The following SOCS7 variants were observed in gnomAD, a reference collection of about 807,000 sequenced individuals.
The protein encoded by SOCS7 is NAP-4.
SOCS7 carries 18 observed loss-of-function variants against 58.9 expected under a neutral mutation model. That is an observed-to-expected ratio of 0.31 (90% CI 0.21 to 0.45). The LOEUF (loss-of-function observed/expected upper bound fraction) is 0.45, where lower values mean the gene tolerates loss of function less well. Among genes scored for constraint, SOCS7 ranks in the 20% least tolerant of loss-of-function variants. The pLI is 1.00. For synonymous variants in SOCS7, 388 were observed against 364.3 expected (o/e 1.06, Z -0.74); for missense variants, 667 against 837.3 (o/e 0.80, Z 2.51).
rs551356126 is a variant in SOCS7 at position 38,381,160 on chromosome 17, G to A, written c.1681+3318G>A. 1.8e-4 allele frequency among the ~76,000 whole-genome samples: 27 copies of A among 152,302 alleles called. 1 individual carries two copies. In the South Asian group the frequency reaches 5.6e-3, roughly 32 times the overall value. On this transcript the variant is annotated intron_variant, in intron 7 of 9. Coordinates refer to ENST00000612932, the MANE Select transcript of SOCS7 (RefSeq NM_014598.4). ...GGGGCAGGAGGGTGCACATGCTCCA[G>A]TTGAATATCTGTGTATACTTAAAAT...
chr17:38,357,110 C>G (rs961650942), intron 1 of SOCS7, among the ~76,000 whole-genome samples: 1 of 152,074 alleles, frequency 6.6e-6, no homozygotes, highest in Non-Finnish European at 1.5e-5. Flanking sequence ...GGGAAAAAAA[C>G]AAAATATAGA....
At chr17:38,367,716 A>T (rs41487146) in intron 5 of SOCS7, among the ~76,000 whole-genome samples, 166 bp from the exon 6 acceptor site, 146 of 152,340 alleles carry the variant, frequency 9.6e-4, no homozygotes, top group Non-Finnish European at 1.5e-3. Context: ...AAGTATAGTG[A>T]GCCTGATGTT....
At chr17:38,369,364 G>A (rs1421813623) in intron 6 of SOCS7, among the ~76,000 whole-genome samples, 1 of 152,146 alleles carries the variant, frequency 6.6e-6, no homozygotes, top group African/African-American at 2.4e-5. Context: ...CTTTGTCCAT[G>A]GTTTCCTCTG....
chr17:38,393,678 A>C (rs2038206985), intron 7 of SOCS7, among the ~76,000 whole-genome samples: 3 of 151,258 alleles, frequency 2.0e-5, no homozygotes, highest in African/African-American at 7.3e-5. Context: ...AGGTGGGCGG[A>C]TCACAAGGTC....
At chr17:38,377,418 T>C (rs530237714) in intron 6 of SOCS7, among the ~76,000 whole-genome samples, 4 of 152,286 alleles carry the variant, frequency 2.6e-5, no homozygotes, top group Non-Finnish European at 4.4e-5. Flanking sequence ...TCCAAAAATA[T>C]GAAAAAATCC....
intron 6 of SOCS7, among the ~76,000 whole-genome samples, chr17:38,370,711 G>A (rs1339890866): frequency 1.3e-5 from 2 of 150,172 alleles, no homozygotes; most frequent in Non-Finnish European, 3.0e-5. Flanking sequence ...GTGCAATGGC[G>A]CGATCTCAGC....
intron 8 of SOCS7, 46 bp from the exon 9 acceptor site, chr17:38,395,802 T>G (rs1333622824): frequency 8.8e-6 from 14 of 1,587,200 alleles, no homozygotes; most frequent in Admixed American, 1.8e-5. Flanking sequence ...TCTTTTATAT[T>G]TTGTATAAAA....
At chr17:38,362,138 T>C (rs1555567685) in intron 2 of SOCS7, among the ~76,000 whole-genome samples, 1 of 152,220 alleles carries the variant, frequency 6.6e-6, no homozygotes, top group East Asian at 1.9e-4. Flanking sequence ...CTGTCTCTGC[T>C]TCCAAGGGAG....
chr17:38,381,443 CTG>C (rs1567746392), intron 7 of SOCS7, among the ~76,000 whole-genome samples: 1 of 152,164 alleles, frequency 6.6e-6, no homozygotes, highest in Non-Finnish European at 1.5e-5. Context: ...AGAAAGGAGG[CTG>C]TGTGTTCAGA....
At chr17:38,390,536 A>G (rs948976064) in intron 7 of SOCS7, among the ~76,000 whole-genome samples, 1 of 152,158 alleles carries the variant, frequency 6.6e-6, no homozygotes, top group Non-Finnish European at 1.5e-5. Flanking sequence ...TGGCATGTCA[A>G]CAATATTATG....
rs1367205222 is a variant in SOCS7, at chr17:38,400,129, G to A, written c.*647G>A. The A allele has an allele frequency of 6.6e-6, 1 of 152,218 alleles. No homozygotes were observed. The highest frequency in any genetic ancestry group is 2.1e-4 in the South Asian group (1 of 4,830). The allele number at this position is 152,218 out of a possible 1,614,324, so 9.4% of individuals were successfully genotyped here. A position where few individuals can be genotyped will look rare whatever the true frequency, so the allele number is the denominator to read the frequency against. ...CAATTGGCCTTAGCTGGGAGAAGTA[G>A]TGACTCCTGCATCCTTTTTTAAGGT... On this transcript the variant is annotated 3_prime_UTR_variant, in exon 10 of 10. Transcript: ENST00000612932.
Position 38,365,381 on chromosome 17 carries a change from A to G in SOCS7, c.1224A>G (p.Leu408=), listed in dbSNP as rs757432053. 2.8e-4 allele frequency: 444 copies of G among 1,611,174 alleles called. No homozygotes were observed. The highest frequency in any genetic ancestry group is 3.6e-4 in the Non-Finnish European group (429 of 1,178,760). The change falls in exon 4 of 10, where the codon CTA becomes CTG. Residue 408 remains leucine, a synonymous_variant. Coordinates refer to ENST00000612932, the MANE Select transcript of SOCS7 (RefSeq NM_014598.4). ...PMGSSLQSFP[L]PPPPPPHAPD... Reference sequence around the variant, plus strand: ...GGTCTTCCTTGCAGTCTTTCCCCCTACCTCCGCCTCCTCCACCCCATGCCC... The same window carrying G: ...GGTCTTCCTTGCAGTCTTTCCCCCTGCCTCCGCCTCCTCCACCCCATGCCC...
At position 38,402,789 on chromosome 17, in the gene SOCS7, A is replaced by T. The variant is rs1364241624; in HGVS notation, c.*3307A>T. ...TCAAGTCACAAATTGGAAAAGGCTT[A>T]CATCTAGGGACCCACTGTTGATTCC... On this transcript the variant is annotated 3_prime_UTR_variant, in exon 10 of 10. Transcript: ENST00000612932. The T allele has an allele frequency of 6.6e-6, 1 of 152,194 alleles. No individual in the cohort carries two copies. Among genetic ancestry groups the T allele is most frequent in the African/African-American group, 2.4e-5 (1 of 41,458 alleles). The allele number at this position is 152,194 out of a possible 1,614,324, so 9.4% of individuals were successfully genotyped here. A position where few individuals can be genotyped will look rare whatever the true frequency, so the allele number is the denominator to read the frequency against.
At position 38,387,135 on chromosome 17, in the gene SOCS7, A is replaced by ATATATATATATATGTGTG. The variant is rs2038085186; in HGVS notation, c.1682-8161_1682-8160insGTGTGTATATATATATAT. ...TATATATATATATATATATGTATGTATATATATATATATATATGATTAATT... is the reference window on the plus strand; with the variant it reads ...TATATATATATATATATATGTATGTATATATATATATATGTGTGTATATATATATATATATGATTAATT... On this transcript the variant is annotated intron_variant, in intron 7 of 9. Coordinates refer to ENST00000612932, the MANE Select transcript of SOCS7 (RefSeq NM_014598.4). Among the ~76,000 whole-genome samples the ATATATATATATATGTGTG allele has an allele frequency of 4.2e-4, 40 of 94,248 alleles. 2 individuals carry two copies. Among genetic ancestry groups the ATATATATATATATGTGTG allele is most frequent in the African/African-American group, 2.5e-3 (39 of 15,348 alleles). 61.8% of individuals were successfully genotyped at this position (94,248 alleles called of 152,430 possible). A position where few individuals can be genotyped will look rare whatever the true frequency, so the allele number is the denominator to read the frequency against.
chr17:38,382,785 C>T (rs554971555), intron 7 of SOCS7, among the ~76,000 whole-genome samples: 5 of 152,166 alleles, frequency 3.3e-5, no homozygotes, highest in Admixed American at 1.3e-4. Context: ...CCACGCTTGG[C>T]GGAATTGGAC....
intron 6 of SOCS7, among the ~76,000 whole-genome samples, chr17:38,370,867 T>C (rs2037854140): frequency 6.6e-6 from 1 of 151,912 alleles, no homozygotes; most frequent in Non-Finnish European, 1.5e-5. Context: ...GCCAAGCTTG[T>C]CTCGAACTCC....
At chr17:38,357,061 G>A (rs1385278880) in intron 1 of SOCS7, among the ~76,000 whole-genome samples, 27 of 152,214 alleles carry the variant, frequency 1.8e-4, no homozygotes, top group Admixed American at 1.7e-3. Flanking sequence ...GAGAAATGGA[G>A]GACGGTTCTG....
intron 7 of SOCS7, among the ~76,000 whole-genome samples, chr17:38,380,799 C>T (rs1246890276): frequency 6.6e-6 from 1 of 151,988 alleles, no homozygotes; most frequent in African/African-American, 2.4e-5. Context: ...GTGGAGGTTG[C>T]AGTCAGCCAA....
chr17:38,360,200 C>CT lies in SOCS7; in HGVS notation c.981-1498dup, dbSNP rs758707127. On this transcript the variant is annotated intron_variant, in intron 1 of 9. Transcript: ENST00000612932. ...ATCAGCATGTAACATATTTCTTTTT[C>CT]TTTTTTTTTTTTTGGGGATGGAGTC... 6.4e-3 allele frequency among the ~76,000 whole-genome samples: 895 copies of CT among 140,120 alleles called. 5 individuals carry two copies. The highest frequency in any genetic ancestry group is 0.019 in the African/African-American group (721 of 38,586). 91.9% of individuals were successfully genotyped at this position (140,120 alleles called of 152,430 possible).
Sources: allele counts gnomAD v4.1 joint callset (sites outside exome capture counted in the v4.1 genomes callset), GRCh38; gene constraint gnomAD v4.1.1; transcripts MANE v1.5; gene names NCBI Gene and HGNC (gene_info 2026-07-23, HGNC 2026-07-21).